Variants in ATG7 observed in about 807,000 individuals in gnomAD.
ATG7 encodes autophagy related 7.
A neutral mutation model predicts 82.4 loss-of-function variants in ATG7; 70 were observed. That is an observed-to-expected ratio of 0.85 (90% CI 0.70 to 1.04). The LOEUF (loss-of-function observed/expected upper bound fraction) is 1.04, where lower values mean the gene tolerates loss of function less well. ATG7 is among the 50% of genes least tolerant of loss of function. The pLI, the probability that ATG7 is intolerant of heterozygous loss-of-function variation, is 0.00. For missense variants in ATG7, 792 were observed against 864.3 expected, an observed-to-expected ratio of 0.92 and a Z score of 1.05; for synonymous variants, 287 against 313.0, an observed-to-expected ratio of 0.92 and a Z score of 0.88.
At chr3:11,322,319 G>T (rs113091412) in intron 9 of ATG7, among the ~76,000 whole-genome samples, 1 of 151,962 alleles carries the variant, frequency 6.6e-6, no homozygotes, top group Non-Finnish European at 1.5e-5. Context: ...TTTAAGAATC[G>T]CAAATAGCTC....
intron 20 of ATG7, among the ~76,000 whole-genome samples, chr3:11,500,898 G>A (rs2091271866): frequency 6.6e-6 from 1 of 152,142 alleles, no homozygotes; most frequent in African/African-American, 2.4e-5. Flanking sequence ...CAAAGTGCTG[G>A]GATTACAGGC....
chr3:11,326,535 T>A (rs1405565650), intron 9 of ATG7, among the ~76,000 whole-genome samples: 1 of 152,182 alleles, frequency 6.6e-6, no homozygotes, highest in African/African-American at 2.4e-5. Flanking sequence ...CCTGACCTTG[T>A]GATCCACCCG....
intron 20 of ATG7, among the ~76,000 whole-genome samples, chr3:11,466,206 A>G (rs564812549): frequency 5.3e-5 from 8 of 152,362 alleles, no homozygotes; most frequent in African/African-American, 1.4e-4. Context: ...ACAAGGAAAC[A>G]TGATTACAGT....
chr3:11,489,625 T>C (rs2153045261), intron 20 of ATG7, among the ~76,000 whole-genome samples: 1 of 145,992 alleles, frequency 6.8e-6, no homozygotes, highest in South Asian at 2.5e-4. Context: ...GTGCTATAAA[T>C]TTCCCTCTAC....
intron 20 of ATG7, among the ~76,000 whole-genome samples, chr3:11,459,661 T>C (rs906632749): frequency 6.6e-6 from 1 of 152,118 alleles, no homozygotes; most frequent in African/African-American, 2.4e-5. Flanking sequence ...ATGGGCTTTG[T>C]GGGGAAAAGG....
At chr3:11,295,568 T>A (rs1945738993) in intron 3 of ATG7, among the ~76,000 whole-genome samples, 1 of 152,134 alleles carries the variant, frequency 6.6e-6, no homozygotes, top group South Asian at 2.1e-4. Flanking sequence ...TACAATGAAA[T>A]TGCATTTTAG....
At position 11,429,821 on chromosome 3, in the gene ATG7, G is replaced by A. The variant is rs149515026; in HGVS notation, c.2079+2895G>A. ...AATCTAGCCCGGTGTGGCAATGTGCGCCTGTAGTCCCAGCTACTCTGGGAT... is the reference window on the plus strand; with the variant it reads ...AATCTAGCCCGGTGTGGCAATGTGCACCTGTAGTCCCAGCTACTCTGGGAT... On this transcript the variant is annotated intron_variant, in intron 20 of 20. Transcript: ENST00000693202. 4.9e-4 allele frequency among the ~76,000 whole-genome samples: 74 copies of A among 151,828 alleles called. 1 individual carries two copies. The East Asian group carries it at 0.014, about 28-fold the overall frequency.
At chr3:11,303,668 TAA>T (rs1309840061) in intron 5 of ATG7, among the ~76,000 whole-genome samples, 4 of 132,636 alleles carry the variant, frequency 3.0e-5, no homozygotes, top group Admixed American at 7.6e-5. Flanking sequence ...ACTCCGTCTC[TAA>T]AAAAAAAAAA....
rs2082211282 is a variant in ATG7, at chr3:11,424,635, CTTATT to C, written c.1957-2165_1957-2161del. ...TTTTTAATATTAAATATTTAAAAAT[CTTATT>C]TTAATAAATATTGAATAATTATTAA... is the stretch of plus-strand genomic sequence containing the variant. On this transcript the variant is annotated intron_variant, in intron 19 of 20. Transcript: ENST00000693202. 2.0e-5 allele frequency among the ~76,000 whole-genome samples: 3 copies of C among 151,214 alleles called. No homozygotes were observed. In the East Asian group the frequency reaches 5.8e-4, roughly 29 times the overall value.
At chr3:11,567,038 G>A in the ATG7 span, among the ~76,000 whole-genome samples, 2 of 152,184 alleles carry the variant, frequency 1.3e-5, no homozygotes, top group East Asian at 3.8e-4. Flanking sequence ...CTGCGGCCCA[G>A]TCGGTGAGCT....
chr3:11,344,888 C>G (rs989131314), intron 13 of ATG7, among the ~76,000 whole-genome samples: 22 of 152,014 alleles, frequency 1.4e-4, no homozygotes, highest in African/African-American at 5.3e-4. Flanking sequence ...ATCAATTAAC[C>G]AATAAATTTT....
In ATG7 at chr3:11,284,847, G is replaced by A. The variant is rs1211160448; in HGVS notation, c.-11+2409G>A. 1.1e-4 allele frequency among the ~76,000 whole-genome samples: 14 copies of A among 129,656 alleles called. No individual in the cohort carries two copies. In the Admixed American group the frequency reaches 1.1e-3, roughly 10 times the overall value. 85.1% of individuals were successfully genotyped at this position (129,656 alleles called of 152,430 possible). A position where few individuals can be genotyped will look rare whatever the true frequency, so the allele number is the denominator to read the frequency against. ...TTACAAGTGTGAGCCACTGTGCCTGGCCTTTTTTTTTTTTTTTGAGACGGA... is the reference window on the plus strand; with the variant it reads ...TTACAAGTGTGAGCCACTGTGCCTGACCTTTTTTTTTTTTTTTGAGACGGA... On this transcript the variant is annotated intron_variant, in intron 3 of 20. Transcript: ENST00000693202.
intron 20 of ATG7, among the ~76,000 whole-genome samples, chr3:11,527,071 G>GTATATATA (rs59492212): frequency 3.8e-4 from 48 of 127,412 alleles, no homozygotes; most frequent in Admixed American, 7.2e-4. Context: ...GTGTGTGTGT[G>GTATATATA]TATATATATA....
At chr3:11,430,452 T>C (rs1380978763) in intron 20 of ATG7, among the ~76,000 whole-genome samples, 5 of 152,190 alleles carry the variant, frequency 3.3e-5, no homozygotes, top group Non-Finnish European at 7.3e-5. Flanking sequence ...CGTAGAAAGG[T>C]CTCCACTTAT....
the ATG7 span, among the ~76,000 whole-genome samples, chr3:11,571,849 G>A: frequency 6.6e-6 from 1 of 152,218 alleles, no homozygotes; most frequent in African/African-American, 2.4e-5. Flanking sequence ...GCTCACACCT[G>A]TAATCTCATC....
intron 20 of ATG7, among the ~76,000 whole-genome samples, chr3:11,514,995 C>T (rs2092221512): frequency 6.6e-6 from 1 of 151,892 alleles, no homozygotes; most frequent in African/African-American, 2.4e-5. Context: ...TGCGCACCAC[C>T]ACACCCAGCT....
chr3:11,390,676 T>G (rs951168874), intron 19 of ATG7, among the ~76,000 whole-genome samples: 3 of 152,026 alleles, frequency 2.0e-5, no homozygotes, highest in Admixed American at 6.6e-5. Context: ...GGTTTGATTT[T>G]TTTTTTTTTC....
chr3:11,304,055 C>T (rs1425832726), intron 5 of ATG7, among the ~76,000 whole-genome samples: 1 of 152,140 alleles, frequency 6.6e-6, no homozygotes, highest in African/African-American at 2.4e-5. Context: ...CGCACGACTG[C>T]ACTCCAGCCT....
chr3:11,500,681 CTT>C (rs2091256650), intron 20 of ATG7, among the ~76,000 whole-genome samples: 3 of 152,088 alleles, frequency 2.0e-5, no homozygotes, highest in African/African-American at 7.2e-5. Context: ...GAGTTTTGCT[CTT>C]GTTACCCAGG....
Sources: gnomAD v4.1 joint callset for allele counts (sites outside exome capture counted in the v4.1 genomes callset) on GRCh38, gnomAD v4.1.1 for gene constraint, MANE v1.5 for transcripts, NCBI Gene and HGNC (gene_info 2026-07-23, HGNC 2026-07-21) for gene names.